Variants in PLB1 observed in about 807,000 individuals in gnomAD.
PLB1 encodes phospholipase B1.
A neutral mutation model predicts 227.4 loss-of-function variants in PLB1; 242 were observed. The ratio of observed to expected loss-of-function variants is 1.06; its 90% CI spans 0.96 to 1.18. The LOEUF (loss-of-function observed/expected upper bound fraction) is 1.18. Ranked by LOEUF, PLB1 falls within the 50% of genes most tolerant of loss-of-function variation. The pLI, the probability that PLB1 is intolerant of heterozygous loss-of-function variation, is 0.00. For missense variants in PLB1, 1,858 were observed against 1,816.3 expected (o/e 1.02, Z -0.42); for synonymous variants, 757 against 682.2 (o/e 1.11, Z -1.71).
At chr2:28,561,320 A>G (rs1572980404) in intron 17 of PLB1, among the ~76,000 whole-genome samples, 1 of 1,938 alleles carries the variant, frequency 5.2e-4, no homozygotes, top group Admixed American at 3.5e-3. Flanking sequence ...GCTCAAACTC[A>G]AAAGATAAAA....
chr2:28,558,800 A>G (rs552285912), intron 17 of PLB1, among the ~76,000 whole-genome samples: 5 of 152,186 alleles, frequency 3.3e-5, no homozygotes, highest in Non-Finnish European at 5.9e-5. Flanking sequence ...TGAATCTAAG[A>G]GGCAGAGTTG....
chr2:28,543,308 G>A, intron 14 of PLB1, 40 bp downstream of exon 14: 1 of 1,593,854 alleles, frequency 6.3e-7, no homozygotes, highest in Non-Finnish European at 8.6e-7. Flanking sequence ...ACAGAGGAGG[G>A]GCAAGGTCTC....
chr2:28,607,311 C>T (rs189997705), intron 43 of PLB1, among the ~76,000 whole-genome samples: 18 of 152,280 alleles, frequency 1.2e-4, no homozygotes, highest in East Asian at 5.8e-4. Context: ...CCTCCTAGGT[C>T]GGCCACACCA....
At chr2:28,617,867 C>T in intron 45 of PLB1, 80 bp downstream of exon 45, 1 of 1,399,792 alleles carries the variant, frequency 7.1e-7, no homozygotes, top group Non-Finnish European at 1.0e-6. Context: ...CAAACATACC[C>T]TGGAGCTTTA....
At chr2:28,531,927 TTTATC>T (rs1263057432) in intron 8 of PLB1, among the ~76,000 whole-genome samples, 176 bp from the exon 9 acceptor site, 3 of 152,204 alleles carry the variant, frequency 2.0e-5, no homozygotes, top group African/African-American at 7.2e-5. Context: ...TTGGATATAT[TTTATC>T]AATCTAGAGC....
chr2:28,536,228 G>C (rs766173853), intron 9 of PLB1, among the ~76,000 whole-genome samples: 3 of 152,208 alleles, frequency 2.0e-5, no homozygotes, highest in Non-Finnish European at 4.4e-5. Context: ...TATGACCAAA[G>C]TCAGAGAGTC....
At chr2:28,569,762 C>T (rs536118356) in intron 20 of PLB1, among the ~76,000 whole-genome samples, 7 of 151,822 alleles carry the variant, frequency 4.6e-5, no homozygotes, top group African/African-American at 7.2e-5. Flanking sequence ...TCCAGGAGAT[C>T]GAGACCATCC....
intron 25 of PLB1, 68 bp downstream of exon 25, chr2:28,582,573 A>G: frequency 7.8e-7 from 1 of 1,277,066 alleles, no homozygotes. Context: ...CACCCTTAGC[A>G]AATTCCTTAG....
chr2:28,543,523 C>T (rs1424226209), intron 14 of PLB1, among the ~76,000 whole-genome samples: 3 of 152,248 alleles, frequency 2.0e-5, no homozygotes, highest in African/African-American at 4.8e-5. Context: ...CCTGGTTTCC[C>T]AGAGGTGGGG....
intron 32 of PLB1, among the ~76,000 whole-genome samples, chr2:28,593,084 G>T (rs1388137610): frequency 6.6e-6 from 1 of 152,150 alleles, no homozygotes; most frequent in Non-Finnish European, 1.5e-5. Context: ...CCTCACATCT[G>T]TTTCTTCTTT....
intron 1 of PLB1, among the ~76,000 whole-genome samples, chr2:28,509,865 C>T (rs1265998575): frequency 6.6e-6 from 1 of 152,184 alleles, no homozygotes; most frequent in Non-Finnish European, 1.5e-5. Flanking sequence ...GGAACAGGCA[C>T]TGTACCTGGT....
Position 28,592,731 on chromosome 2 carries a change from T to A in PLB1, c.2247+12T>A. On this transcript the variant is annotated intron_variant, in intron 32 of 57. Coordinates refer to ENST00000327757, the MANE Select transcript of PLB1 (RefSeq NM_153021.5). ...GGGATTCTCTGACCGTAAGGACTCT[T>A]GGGCCCCAGGTGGTTTGGGGATAAC... 2 of 1,613,776 alleles carry A rather than the reference T, an allele frequency of 1.2e-6. No homozygotes were observed. Among genetic ancestry groups the A allele is most frequent in the Non-Finnish European group, 1.7e-6 (2 of 1,179,792 alleles).
At position 28,540,435 on chromosome 2, in the gene PLB1, T is replaced by G. The variant is rs1672325771; in HGVS notation, c.768T>G (p.Ser256=). ...TGGCCAAGGTGGTGATGCAGTGGTC[T>G]TATCAGGTGAGCCCAACCTGGGATC... ...TRLAKVVMQW[S]YQEAWNSLLA... Residue 256 remains serine (S), a synonymous_variant, in exon 12 of 58, where the codon TCT becomes TCG. Coordinates refer to ENST00000327757, the MANE Select transcript of PLB1 (RefSeq NM_153021.5). 3 of 1,613,754 alleles carry G rather than the reference T, an allele frequency of 1.9e-6. No individual in the cohort carries two copies. The highest frequency in any genetic ancestry group is 1.3e-5 in the African/African-American group (1 of 74,906).
intron 3 of PLB1, 53 bp from the exon 4 acceptor site, chr2:28,519,652 A>G: frequency 8.7e-6 from 12 of 1,386,600 alleles, no homozygotes; most frequent in Non-Finnish European, 1.1e-5. Flanking sequence ...TCCTTGGCCG[A>G]CATCATGGGG....
rs372024274 is a variant in PLB1 at position 28,632,559 on chromosome 2, C to T, written c.4003-385C>T. On this transcript the variant is annotated intron_variant, in intron 55 of 57. Transcript: ENST00000327757. ...AATCTCAGCCTTTGGGAAGCCAAGGCGGTTGAATCACGAGGTTAGGAGTTT... is the reference window on the plus strand; with the variant it reads ...AATCTCAGCCTTTGGGAAGCCAAGGTGGTTGAATCACGAGGTTAGGAGTTT... 3.5e-4 allele frequency among the ~76,000 whole-genome samples: 53 copies of T among 152,104 alleles called. 1 individual carries two copies. Among genetic ancestry groups the T allele is most frequent in the African/African-American group, 5.3e-4 (22 of 41,506 alleles).
At chr2:28,583,766 G>T (rs1239156765) in intron 25 of PLB1, among the ~76,000 whole-genome samples, 1 of 151,898 alleles carries the variant, frequency 6.6e-6, no homozygotes. Context: ...AGACCTGCGT[G>T]CATTACTCAC....
intron 8 of PLB1, among the ~76,000 whole-genome samples, 198 bp downstream of exon 8, chr2:28,529,977 T>TTTTA (rs545621332): frequency 1.1e-4 from 16 of 152,240 alleles, no homozygotes; most frequent in South Asian, 2.1e-4. Context: ...TGTTGTTTAT[T>TTTTA]TTTATTTATT....
At chr2:28,526,899 G>A (rs569542115) in intron 6 of PLB1, among the ~76,000 whole-genome samples, 2 of 152,290 alleles carry the variant, frequency 1.3e-5, no homozygotes, top group South Asian at 4.1e-4. Context: ...AGGGAAGGTT[G>A]AGCCTGGCAG....
rs143046593 is a variant in PLB1 at position 28,558,892 on chromosome 2, C to CT, written c.1148-4141dup. Among the ~76,000 whole-genome samples the CT allele has an allele frequency of 9.8e-3, 1,487 of 152,106 alleles. 17 individuals are homozygous for CT. Among genetic ancestry groups the CT allele is most frequent in the Non-Finnish European group, 0.015 (1,044 of 67,978 alleles). On this transcript the variant is annotated intron_variant, in intron 17 of 57. Coordinates refer to ENST00000327757, the MANE Select transcript of PLB1 (RefSeq NM_153021.5). Reference sequence around the variant, plus strand: ...TACACACAGGAGAAACAACTCTAGTCTTTTTTTTCTTTTTTATTGAAGGAG... The same window carrying CT: ...TACACACAGGAGAAACAACTCTAGTCTTTTTTTTTCTTTTTTATTGAAGGAG...
Sources: gnomAD v4.1 joint callset for allele counts (sites outside exome capture counted in the v4.1 genomes callset) on GRCh38, gnomAD v4.1.1 for gene constraint, MANE v1.5 for transcripts, NCBI Gene and HGNC (gene_info 2026-07-23, HGNC 2026-07-21) for gene names.